The following NRG3 variants were observed in gnomAD, a reference collection of about 807,000 sequenced individuals.
NRG3 encodes neuregulin 3.
NRG3 carries 31 observed loss-of-function variants against 66.9 expected under a neutral mutation model. That is an observed-to-expected ratio of 0.46 (90% CI 0.35 to 0.63). The LOEUF is 0.63. Ranked by LOEUF, NRG3 falls within the 20% of genes least tolerant of loss-of-function variation. NRG3 has a pLI of 0.00. For missense variants in NRG3, 910 were observed against 878.9 expected, an observed-to-expected ratio of 1.04 and a Z score of -0.45; for synonymous variants, 393 against 359.4, an observed-to-expected ratio of 1.09 and a Z score of -1.06.
intron 3 of NRG3, among the ~76,000 whole-genome samples, chr10:82,762,050 CTCTT>C (rs1001777997): frequency 3.6e-5 from 5 of 139,038 alleles, no homozygotes; most frequent in South Asian, 2.4e-4. Context: ...TTTCCTTTCT[CTCTT>C]TCTTTCTTTC....
chr10:82,379,357 G>A (rs2085462262), intron 2 of NRG3, among the ~76,000 whole-genome samples: 1 of 152,066 alleles, frequency 6.6e-6, no homozygotes, highest in Non-Finnish European at 1.5e-5. Flanking sequence ...AATAATGACA[G>A]AGGAGCAGCA....
chr10:82,636,241 CTGTG>C (rs1028118030), intron 2 of NRG3, among the ~76,000 whole-genome samples: 16 of 142,010 alleles, frequency 1.1e-4, no homozygotes, highest in East Asian at 8.0e-4. Flanking sequence ...GTGTGTGTGT[CTGTG>C]TGTGTGTGTG....
intron 3 of NRG3, among the ~76,000 whole-genome samples, chr10:82,743,029 G>A (rs1369753855): frequency 6.6e-6 from 1 of 152,080 alleles, no homozygotes; most frequent in Non-Finnish European, 1.5e-5. Flanking sequence ...AGAATGCAGT[G>A]GGGTAGAGAA....
chr10:82,610,264 T>G (rs1240145010), intron 2 of NRG3, among the ~76,000 whole-genome samples: 2 of 151,702 alleles, frequency 1.3e-5, no homozygotes, highest in Non-Finnish European at 2.9e-5. Context: ...CTGGACAAAC[T>G]CTCTACTTTA....
At chr10:82,900,057 C>G (rs1333108462) in intron 4 of NRG3, among the ~76,000 whole-genome samples, 1 of 152,068 alleles carries the variant, frequency 6.6e-6, no homozygotes, top group African/African-American at 2.4e-5. Flanking sequence ...CTAATTATGG[C>G]AGAAGGCAAA....
intron 1 of NRG3, among the ~76,000 whole-genome samples, chr10:82,044,278 G>C (rs928832261): frequency 2.0e-5 from 3 of 151,912 alleles, no homozygotes; most frequent in Non-Finnish European, 4.4e-5. Context: ...AGGGTTGCAG[G>C]TGGCCAGATC....
At chr10:82,921,356 T>C (rs894351495) in intron 4 of NRG3, among the ~76,000 whole-genome samples, 5 of 152,130 alleles carry the variant, frequency 3.3e-5, no homozygotes, top group Admixed American at 1.3e-4. Context: ...CTGAGGAAAC[T>C]ATTAAATGTG....
intron 2 of NRG3, among the ~76,000 whole-genome samples, chr10:82,590,665 T>G (rs2046932379): frequency 6.6e-6 from 1 of 152,174 alleles, no homozygotes. Context: ...GGTGCACCTG[T>G]GCTCAGCTTG....
At chr10:82,286,009 C>T (rs954281081) in intron 1 of NRG3, among the ~76,000 whole-genome samples, 1 of 152,174 alleles carries the variant, frequency 6.6e-6, no homozygotes, top group Non-Finnish European at 1.5e-5. Context: ...TGATTTTCAA[C>T]ATAGAATGGC....
intron 2 of NRG3, among the ~76,000 whole-genome samples, chr10:82,379,756 C>A (rs1164750401): frequency 2.0e-5 from 3 of 151,386 alleles, no homozygotes; most frequent in Admixed American, 6.6e-5. Flanking sequence ...GTAAACTGGG[C>A]CAGAAGTATA....
rs571675177 is a variant in NRG3, at chr10:82,720,810, C to CATATACATATATATATATATATAT, written c.954-17762_954-17761insCATATATATATATATATATATATA. 1.5e-3 allele frequency among the ~76,000 whole-genome samples: 174 copies of CATATACATATATATATATATATAT among 114,578 alleles called. 5 individuals carry two copies. Among genetic ancestry groups the CATATACATATATATATATATATAT allele is most frequent in the African/African-American group, 6.0e-3 (137 of 22,750 alleles). 75.2% of individuals were successfully genotyped at this position (114,578 alleles called of 152,430 possible). On this transcript the variant is annotated intron_variant, in intron 2 of 8. Transcript: ENST00000372141. ...AACACATATATAGGAGTATTTTATA[C>CATATACATATATATATATATATAT]ATATATATATATATATATATATATA...
intron 4 of NRG3, among the ~76,000 whole-genome samples, chr10:82,914,749 CTT>C (rs200748869): frequency 2.1e-5 from 3 of 143,852 alleles, no homozygotes; most frequent in African/African-American, 5.1e-5. Context: ...TGATTTTTAG[CTT>C]TTTTTTTTTT....
chr10:82,636,016 T>C (rs749781180), intron 2 of NRG3, among the ~76,000 whole-genome samples: 4 of 151,606 alleles, frequency 2.6e-5, no homozygotes, highest in Non-Finnish European at 4.4e-5. Flanking sequence ...GGGAAAGGAG[T>C]AGTAGCAACA....
chr10:82,695,310 A>G (rs1264010857), intron 2 of NRG3, among the ~76,000 whole-genome samples: 1 of 152,152 alleles, frequency 6.6e-6, no homozygotes, highest in Non-Finnish European at 1.5e-5. Flanking sequence ...ACTGTAATTT[A>G]TTAAAATAAT....
intron 1 of NRG3, among the ~76,000 whole-genome samples, chr10:82,229,451 G>C (rs2076338946): frequency 6.6e-6 from 1 of 152,124 alleles, no homozygotes; most frequent in Non-Finnish European, 1.5e-5. Flanking sequence ...CTGTTAAGCA[G>C]ATAAAACAAG....
chr10:82,265,554 G>A (rs1331276110), intron 1 of NRG3, among the ~76,000 whole-genome samples: 2 of 152,160 alleles, frequency 1.3e-5, no homozygotes, highest in Non-Finnish European at 2.9e-5. Flanking sequence ...ATTTTTGGAT[G>A]TGGCGTAATA....
At chr10:82,152,386 A>G (rs1325847997) in intron 1 of NRG3, among the ~76,000 whole-genome samples, 2 of 152,186 alleles carry the variant, frequency 1.3e-5, no homozygotes, top group Non-Finnish European at 2.9e-5. Context: ...TTGGCACACA[A>G]TTTGCTTAGC....
chr10:82,844,301 A>G (rs188587995), intron 3 of NRG3, among the ~76,000 whole-genome samples: 3 of 152,314 alleles, frequency 2.0e-5, no homozygotes, highest in Admixed American at 1.3e-4. Context: ...CCTTATTGAT[A>G]CAATACTGCT....
In NRG3 at chr10:82,483,921, A is replaced by G. The variant is rs1373517242; in HGVS notation, c.953+125053A>G. ...ACTACTTCTAAGAAAATTAAAGAAA[A>G]TGCTATATGCATTAGATTTTAATTT... On this transcript the variant is annotated intron_variant, in intron 2 of 8. Transcript: ENST00000372141. 3.3e-5 allele frequency among the ~76,000 whole-genome samples: 5 copies of G among 152,214 alleles called. No individual in the cohort carries two copies. The East Asian group carries it at 7.7e-4, about 23-fold the overall frequency.
Sources: allele counts gnomAD v4.1 joint callset (sites outside exome capture counted in the v4.1 genomes callset), GRCh38; gene constraint gnomAD v4.1.1; transcripts MANE v1.5; gene names NCBI Gene and HGNC (gene_info 2026-07-23, HGNC 2026-07-21).